Variants in SH2D5 observed in about 807,000 individuals in gnomAD.
The protein encoded by SH2D5 is SH2 domain containing 5, also known as SH2 domain-containing protein 5.
Under a neutral mutation model 48.2 loss-of-function variants are expected in SH2D5, and 45 were observed. The observed-to-expected ratio is 0.93, with a 90% CI of 0.73 to 1.20. The LOEUF (loss-of-function observed/expected upper bound fraction) is 1.20, where lower values mean the gene tolerates loss of function less well. Among genes scored for constraint, SH2D5 ranks in the 50% most tolerant of loss-of-function variants. The probability of loss-of-function intolerance (pLI) is 0.00; values close to 1 mark genes in which losing one functional copy is unlikely to be tolerated. For missense variants in SH2D5, 538 were observed against 584.1 expected (o/e 0.92, Z 0.81); for synonymous variants, 230 against 249.8 (o/e 0.92, Z 0.75).
intron 1 of SH2D5, among the ~76,000 whole-genome samples, chr1:20,730,312 G>C (rs943086406): frequency 6.5e-4 from 37 of 56,660 alleles, no homozygotes; most frequent in Admixed American, 3.8e-3. Context: ...TGCTCGGGGG[G>C]GGGGGGGACG....
rs1411260054 is a variant in SH2D5, at chr1:20,721,087, G to C, written c.*705C>G. On this transcript the variant is annotated 3_prime_UTR_variant, in exon 10 of 10. Coordinates refer to ENST00000444387, the MANE Select transcript of SH2D5 (RefSeq NM_001103161.2). ...TCACAGCCCTGAGGTTTTGAGTGGAGACAGCATGGAGATTCTTGGCCCTGT... is the reference window on the plus strand; with the variant it reads ...TCACAGCCCTGAGGTTTTGAGTGGACACAGCATGGAGATTCTTGGCCCTGT... 6.5e-6 allele frequency: 1 copy of C among 153,228 alleles called. No homozygotes were observed. Among genetic ancestry groups the C allele is most frequent in the Non-Finnish European group, 1.5e-5 (1 of 68,298 alleles). 9.5% of individuals were successfully genotyped at this position (153,228 alleles called of 1,614,324 possible). A position where few individuals can be genotyped will look rare whatever the true frequency, so the allele number is the denominator to read the frequency against.
In SH2D5 at chr1:20,721,948, G is replaced by A. The variant is rs370695644; in HGVS notation, c.1116C>T (p.His372=). The change falls in exon 10 of 10, where the codon CAC becomes CAT. Residue 372 remains histidine, a synonymous_variant. Transcript: ENST00000444387. The part of the protein sequence containing the change: ...FPSLEALVEN[H]AVTERSLFCP... ...AGAAGAGGCTACGTTCAGTAACCGCGTGGTTCTCCACCAGAGCCTCCAGGC... is the reference window on the plus strand; with the variant it reads ...AGAAGAGGCTACGTTCAGTAACCGCATGGTTCTCCACCAGAGCCTCCAGGC... 42 of 1,613,002 alleles carry A rather than the reference G, an allele frequency of 2.6e-5. No homozygotes were observed. The highest frequency in any genetic ancestry group is 1.7e-5 in the Admixed American group (1 of 60,006).
intron 4 of SH2D5, among the ~76,000 whole-genome samples, chr1:20,726,578 G>A (rs974906062): frequency 3.3e-5 from 5 of 152,118 alleles, no homozygotes; most frequent in African/African-American, 1.2e-4. Flanking sequence ...CGCGCAATCA[G>A]TGTCCGCCCC....
intron 4 of SH2D5, among the ~76,000 whole-genome samples, chr1:20,726,513 C>T (rs12739780): frequency 0.033 from 5,043 of 152,202 alleles, 127 homozygotes; most frequent in Middle Eastern, 0.048. Flanking sequence ...CTGGGGACAC[C>T]AGGTGTGCCT....
intron 3 of SH2D5, among the ~76,000 whole-genome samples, chr1:20,727,283 G>C (rs1344767951): frequency 2.0e-5 from 3 of 152,106 alleles, no homozygotes; most frequent in African/African-American, 7.2e-5. Context: ...CGCTGGCCAG[G>C]CTGTGACTAT....
chr1:20,728,961 C>T lies in SH2D5; in HGVS notation c.-42-875G>A, dbSNP rs561248255. Among the ~76,000 whole-genome samples, 2 of 151,864 alleles carry T rather than the reference C, an allele frequency of 1.3e-5. No individual in the cohort carries two copies. The highest frequency in any genetic ancestry group is 4.8e-5 in the African/African-American group (2 of 41,372). On this transcript the variant is annotated intron_variant, in intron 1 of 9. Transcript: ENST00000444387. This position sits in a 1 kb window ranked among gnomAD's most constrained non-coding sequence, Gnocchi z 4.3. The stretch of plus-strand genomic sequence containing the variant: ...TCATGAAAACCAGAACTCAGTCAGA[C>T]AGTGCGCTGATGCAGACAGGATGTG...
chr1:20,732,412 G>C lies in SH2D5; in HGVS notation c.-274C>G, dbSNP rs957589296. 2 of 152,558 alleles carry C rather than the reference G, an allele frequency of 1.3e-5. No individual in the cohort carries two copies. The highest frequency in any genetic ancestry group is 2.4e-5 in the African/African-American group (1 of 41,466). 9.5% of individuals were successfully genotyped at this position (152,558 alleles called of 1,614,324 possible). ...TCCCCTCTCTGGCTGGCTCCTCCGC[G>C]TCATCCGAGCCGCGGCTACCGCACC... On this transcript the variant is annotated 5_prime_UTR_variant, in exon 1 of 10. Coordinates refer to ENST00000444387, the MANE Select transcript of SH2D5 (RefSeq NM_001103161.2). This position sits in a 1 kb window ranked among gnomAD's most constrained non-coding sequence, Gnocchi z 5.1.
At chr1:20,730,142 G>T (rs1340199914) in intron 1 of SH2D5, among the ~76,000 whole-genome samples, 3 of 152,108 alleles carry the variant, frequency 2.0e-5, no homozygotes, top group African/African-American at 7.2e-5. Context: ...GGGGAGGGAG[G>T]AGGCAAAGAC....
chr1:20,724,217 T>C lies in SH2D5; in HGVS notation c.665A>G (p.His222Arg). 1.9e-6 allele frequency: 3 copies of C among 1,612,852 alleles called. No homozygotes were observed. Among genetic ancestry groups the C allele is most frequent in the East Asian group, 2.2e-5 (1 of 44,864 alleles). ...ELPESEGRARHARLGNPYCSP... is the reference protein window; with the variant it reads ...ELPESEGRARRARLGNPYCSP... ...GCAGTAGGGATTCCCCAGGCGGGCA[T>C]GGCGGGCACGGCCTTCCGACTCTGG... The change falls in exon 7 of 10, where the codon CAT (histidine) becomes CGT (arginine). Residue 222 changes from histidine (H) to arginine (R), a missense_variant. Transcript: ENST00000444387.
chr1:20,723,024 A>G (rs2054719296), intron 8 of SH2D5, 109 bp from the exon 9 acceptor site: 2 of 1,103,916 alleles, frequency 1.8e-6, no homozygotes, highest in Middle Eastern at 2.5e-4. Context: ...CCTTAAACAC[A>G]CGGTGCGTTG....
rs749709140 is a variant in SH2D5 at position 20,723,642 on chromosome 1, A to G, written c.892T>C (p.Phe298Leu). The part of the protein sequence containing the change: ...EGSLTENIWA[F>L]AGISRPCALA... The stretch of plus-strand genomic sequence containing the variant: ...CCTTCCTACCTGGAGATGCCAGCGA[A>G]GGCCCAGATGTTCTCCGTCAGGCTG... Residue 298 changes from phenylalanine (F) to leucine (L), a missense_variant, in exon 8 of 10, where the codon TTC becomes CTC. By Grantham distance (22) the Phe-to-Leu change is conservative. Transcript: ENST00000444387. The G allele has an allele frequency of 1.1e-5, 17 of 1,612,854 alleles. No individual in the cohort carries two copies. Among genetic ancestry groups the G allele is most frequent in the Non-Finnish European group, 1.4e-5 (17 of 1,179,868 alleles).
At chr1:20,730,291 G>A (rs992435634) in intron 1 of SH2D5, among the ~76,000 whole-genome samples, 3 of 101,652 alleles carry the variant, frequency 3.0e-5, no homozygotes, top group African/African-American at 4.0e-5. Context: ...GGAAGGGCAC[G>A]TTTCCCATCC....
rs559888182 is a variant in SH2D5, at chr1:20,727,222, C to T, written c.169-147G>A. The T allele has an allele frequency of 5.5e-5, 39 of 710,416 alleles. 1 individual carries two copies. The highest frequency in any genetic ancestry group is 3.9e-4 in the Middle Eastern group (1 of 2,588). 44.0% of individuals were successfully genotyped at this position (710,416 alleles called of 1,614,324 possible). On this transcript the variant is annotated intron_variant, in intron 3 of 9. Transcript: ENST00000444387. ...GGCCCTGGCTGGTGGACCCCCCTGG[C>T]GCTGGGGAAGTGGGGATGGCTCCTG...
At position 20,729,684 on chromosome 1, in the gene SH2D5, C is replaced by G. The variant is rs2054870227; in HGVS notation, c.-42-1598G>C. Among the ~76,000 whole-genome samples the G allele has an allele frequency of 6.6e-6, 1 of 152,154 alleles. No homozygotes were observed. The highest frequency in any genetic ancestry group is 2.1e-4 in the South Asian group (1 of 4,828). Reference sequence around the variant, plus strand: ...ACGACGGGTCCCGGGTGTGCTCCCACTCAAGGAGGAGGGCTGGGGTGCTTT... The same window carrying G: ...ACGACGGGTCCCGGGTGTGCTCCCAGTCAAGGAGGAGGGCTGGGGTGCTTT... On this transcript the variant is annotated intron_variant, in intron 1 of 9. Coordinates refer to ENST00000444387, the MANE Select transcript of SH2D5 (RefSeq NM_001103161.2). This position sits in a 1 kb window ranked among gnomAD's most constrained non-coding sequence, Gnocchi z 4.2.
At chr1:20,725,324 C>T (rs1380718995) in intron 5 of SH2D5, among the ~76,000 whole-genome samples, 1 of 152,224 alleles carries the variant, frequency 6.6e-6, no homozygotes, top group African/African-American at 2.4e-5. Context: ...CTGGTCAGAA[C>T]CAAACCCAGC....
At chr1:20,722,636 CAG>C (rs2054708696) in intron 9 of SH2D5, 118 bp downstream of exon 9, 2 of 1,073,868 alleles carry the variant, frequency 1.9e-6, no homozygotes, top group African/African-American at 1.6e-5. Flanking sequence ...CAATGGGAGA[CAG>C]GGATGGGGGT....
At chr1:20,722,670 C>T (rs2054709342) in intron 9 of SH2D5, 86 bp downstream of exon 9, 2 of 1,325,136 alleles carry the variant, frequency 1.5e-6, no homozygotes, top group Middle Eastern at 2.8e-4. Flanking sequence ...AGGACCTCAG[C>T]AGTTAGAAAA....
rs975024661 is a variant in SH2D5, at chr1:20,732,120, C to G, written c.-43+61G>C. 1.3e-5 allele frequency: 2 copies of G among 151,998 alleles called. No individual in the cohort carries two copies. Among genetic ancestry groups the G allele is most frequent in the African/African-American group, 2.4e-5 (1 of 41,374 alleles). The allele number at this position is 151,998 out of a possible 1,614,324, so 9.4% of individuals were successfully genotyped here. On this transcript the variant is annotated intron_variant, in intron 1 of 9. Transcript: ENST00000444387. The surrounding 1 kb of genome is among the most constrained non-coding windows in gnomAD (Gnocchi z 5.1). ...CCCCCGACCCCGGTCCCCGCGCCCC[C>G]ACACGTGGCCGCGGGAACCGACCCC...
At chr1:20,727,100 C>T (rs781561648) in intron 3 of SH2D5, 25 bp from the exon 4 acceptor site, 1 of 1,595,342 alleles carries the variant, frequency 6.3e-7, no homozygotes, top group East Asian at 2.2e-5. Flanking sequence ...GTAGTGGGGA[C>T]AGGCACCACC....
Sources: allele counts gnomAD v4.1 joint callset (sites outside exome capture counted in the v4.1 genomes callset), GRCh38; gene constraint gnomAD v4.1.1; non-coding constraint Gnocchi (gnomAD v3.1); transcripts MANE v1.5; gene names NCBI Gene and HGNC (gene_info 2026-07-23, HGNC 2026-07-21).